CUL3: variants seen among roughly 807,000 people sequenced by gnomAD.
CUL3 encodes the protein cullin 3, also known as cullin-3.
Under a neutral mutation model 89.1 loss-of-function variants are expected in CUL3, and 19 were observed. The ratio of observed to expected loss-of-function variants is 0.21; its 90% CI spans 0.15 to 0.31. The LOEUF is 0.31. CUL3 is among the 10% of genes least tolerant of loss of function. CUL3 has a pLI of 1.00. For synonymous variants in CUL3, 351 were observed against 308.4 expected, an observed-to-expected ratio of 1.14 and a Z score of -1.45; for missense variants, 469 against 942.3, an observed-to-expected ratio of 0.50 and a Z score of 6.58.
chr2:224,576,689 G>A lies in CUL3; in HGVS notation c.66+8255C>T, dbSNP rs1214199111. 7.3e-3 allele frequency among the ~76,000 whole-genome samples: 78 copies of A among 10,646 alleles called. No individual in the cohort carries two copies. The African/African-American group carries it at 0.11, about 15-fold the overall frequency. The allele number at this position is 10,646 out of a possible 152,430, so 7.0% of individuals were successfully genotyped here. A position where few individuals can be genotyped will look rare whatever the true frequency, so the allele number is the denominator to read the frequency against. On this transcript the variant is annotated intron_variant, in intron 1 of 15. Transcript: ENST00000264414. The stretch of plus-strand genomic sequence containing the variant: ...ACCTAGTTCAGGAGTGAAAAAAAAG[G>A]GGGGGGGGGGAGGAGAAGGAGGAGA...
At chr2:224,535,057 T>TAAATAAATAAAG (rs1272816520) in intron 3 of CUL3, among the ~76,000 whole-genome samples, 1 of 144,884 alleles carries the variant, frequency 6.9e-6, no homozygotes, top group Non-Finnish European at 1.5e-5. Flanking sequence ...AATAAATAAA[T>TAAATAAATAAAG]AAAGATTTTT....
chr2:224,559,325 A>G (rs1192498368), intron 1 of CUL3, among the ~76,000 whole-genome samples: 2 of 151,332 alleles, frequency 1.3e-5, no homozygotes, highest in Non-Finnish European at 2.9e-5. Context: ...GTGGTGGCGC[A>G]TGCCTATAGT....
intron 2 of CUL3, among the ~76,000 whole-genome samples, chr2:224,535,857 C>T (rs1423795330): frequency 6.6e-6 from 1 of 152,180 alleles, no homozygotes; most frequent in African/African-American, 2.4e-5. Flanking sequence ...ATCTCCAGAA[C>T]ATAAATCAAC....
intron 1 of CUL3, among the ~76,000 whole-genome samples, chr2:224,579,021 C>T (rs1225327743): frequency 1.3e-5 from 2 of 152,098 alleles, no homozygotes; most frequent in Non-Finnish European, 2.9e-5. Flanking sequence ...CTTAAAAAGC[C>T]AAATTTTTAC....
chr2:224,564,468 T>C (rs1347204547), intron 1 of CUL3, among the ~76,000 whole-genome samples: 1 of 152,220 alleles, frequency 6.6e-6, no homozygotes, highest in Non-Finnish European at 1.5e-5. Context: ...CAGTACAAGA[T>C]ATTTTGAGAG....
intron 6 of CUL3, among the ~76,000 whole-genome samples, chr2:224,510,001 A>G (rs1471645271): frequency 3.9e-5 from 6 of 152,188 alleles, no homozygotes. Flanking sequence ...AAAGAATGCT[A>G]TTTAGTGACA....
At chr2:224,520,544 T>TA (rs1229923049) in intron 3 of CUL3, among the ~76,000 whole-genome samples, 1 of 152,146 alleles carries the variant, frequency 6.6e-6, no homozygotes, top group Non-Finnish European at 1.5e-5. Context: ...CCAACAACTA[T>TA]AAAGGCTGGA....
intron 13 of CUL3, among the ~76,000 whole-genome samples, chr2:224,492,105 A>G (rs1692005443): frequency 6.6e-6 from 1 of 152,278 alleles, no homozygotes; most frequent in African/African-American, 2.4e-5. Flanking sequence ...TTCCTTGCTC[A>G]GTTTTAGCAA....
rs2106203079 is a variant in CUL3, at chr2:224,506,022, G to C, written c.1140C>G (p.Leu380=). 6.2e-7 allele frequency: 1 copy of C among 1,612,278 alleles called. No individual in the cohort carries two copies. Among genetic ancestry groups the C allele is most frequent in the Non-Finnish European group, 8.5e-7 (1 of 1,178,890 alleles). Residue 380 remains leucine (L), a synonymous_variant, in exon 8 of 16, where the codon CTC becomes CTG. Coordinates refer to ENST00000264414, the MANE Select transcript of CUL3 (RefSeq NM_003590.5). ...AGAGGTATTCAGGAGACCTGGAGTT[G>C]AGGTTGAGAAAATACTCAAAGTCAC... ...IAGDFEYFLN[L]NSRSPEYLSL... is the part of the protein sequence containing the mutation.
chr2:224,575,602 T>C (rs950423971), intron 1 of CUL3, among the ~76,000 whole-genome samples: 4 of 152,238 alleles, frequency 2.6e-5, no homozygotes, highest in Non-Finnish European at 5.9e-5. Context: ...CTTGCATTTA[T>C]GTATAATGCT....
At chr2:224,508,756 G>A (rs926808021) in intron 6 of CUL3, among the ~76,000 whole-genome samples, 7 of 151,934 alleles carry the variant, frequency 4.6e-5, no homozygotes, top group Admixed American at 3.9e-4. Context: ...TCAGGATATC[G>A]AGACCACCCT....
rs1220469107 is a variant in CUL3 at position 224,585,262 on chromosome 2, C to T, written c.-253G>A. ...CGCTGGCGCGGCGGCTCCGCGGGGT[C>T]CCCCTCACGTCCGGCTCGGCTCCCT... On this transcript the variant is annotated 5_prime_UTR_variant, in exon 1 of 16. Transcript: ENST00000264414. The T allele has an allele frequency of 2.5e-6, 1 of 397,226 alleles. No homozygotes were observed. The highest frequency in any genetic ancestry group is 4.4e-6 in the Non-Finnish European group (1 of 226,158). The allele number at this position is 397,226 out of a possible 1,614,324, so 24.6% of individuals were successfully genotyped here. A position where few individuals can be genotyped will look rare whatever the true frequency, so the allele number is the denominator to read the frequency against.
chr2:224,523,863 A>T (rs373239038), intron 3 of CUL3, among the ~76,000 whole-genome samples: 4 of 152,330 alleles, frequency 2.6e-5, no homozygotes, highest in African/African-American at 9.6e-5. Context: ...GAGTGATCAA[A>T]TCATAAACAG....
Position 224,535,508 on chromosome 2 carries a change from AT to A in CUL3, c.378+19del, listed in dbSNP as rs1693865387. On this transcript the variant is annotated intron_variant, in intron 3 of 15. Coordinates refer to ENST00000264414, the MANE Select transcript of CUL3 (RefSeq NM_003590.5). The stretch of plus-strand genomic sequence containing the variant: ...GCTTAACTGCTTAAAGGAAGAAAAC[AT>A]TTAAAAAGCTCTACTTACCATGTAC... 6.7e-7 allele frequency: 1 copy of A among 1,489,590 alleles called. No individual in the cohort carries two copies. Among genetic ancestry groups the A allele is most frequent in the Non-Finnish European group, 9.1e-7 (1 of 1,099,402 alleles). The allele number at this position is 1,489,590 out of a possible 1,614,324, so 92.3% of individuals were successfully genotyped here. A position where few individuals can be genotyped will look rare whatever the true frequency, so the allele number is the denominator to read the frequency against.
At position 224,474,420 on chromosome 2, in the gene CUL3, A is replaced by C. The variant is rs1269984283; in HGVS notation, c.2176-44T>G. On this transcript the variant is annotated intron_variant, in intron 15 of 15. Coordinates refer to ENST00000264414, the MANE Select transcript of CUL3 (RefSeq NM_003590.5). ...AGTATTTTTATATAAACACATAAAA[A>C]TTCGTATCTTTGAACAGAACTGATA... 1.9e-6 allele frequency: 3 copies of C among 1,557,026 alleles called. No homozygotes were observed. The African/African-American group carries it at 4.1e-5, about 21-fold the overall frequency.
At chr2:224,581,327 C>G (rs984660318) in intron 1 of CUL3, among the ~76,000 whole-genome samples, 1 of 148,392 alleles carries the variant, frequency 6.7e-6, no homozygotes, top group Admixed American at 6.7e-5. Context: ...ACCCAGGAGG[C>G]GGAGGTTGCA....
chr2:224,486,987 T>A (rs1016050929), intron 13 of CUL3, among the ~76,000 whole-genome samples: 1 of 152,122 alleles, frequency 6.6e-6, no homozygotes, highest in South Asian at 2.1e-4. Flanking sequence ...AGAAGAATGT[T>A]CAACCCAGAA....
chr2:224,490,272 A>C (rs1008365687), intron 13 of CUL3, among the ~76,000 whole-genome samples: 3 of 152,132 alleles, frequency 2.0e-5, no homozygotes, highest in Admixed American at 1.3e-4. Context: ...GAAAGTACTA[A>C]AAGTCTCTGA....
At chr2:224,484,645 T>G (rs1295367997) in intron 13 of CUL3, among the ~76,000 whole-genome samples, 2 of 152,232 alleles carry the variant, frequency 1.3e-5, no homozygotes, top group Non-Finnish European at 2.9e-5. Context: ...TTTCTCACAT[T>G]AAGGTTACCA....
Sources: gnomAD v4.1 joint callset for allele counts (sites outside exome capture counted in the v4.1 genomes callset) on GRCh38, gnomAD v4.1.1 for gene constraint, MANE v1.5 for transcripts, NCBI Gene and HGNC (gene_info 2026-07-23, HGNC 2026-07-21) for gene names.